The following KDM4C variants were observed in gnomAD, a reference collection of about 807,000 sequenced individuals.
KDM4C encodes lysine demethylase 4C.
KDM4C carries 81 observed loss-of-function variants against 129.3 expected under a neutral mutation model. The ratio of observed to expected loss-of-function variants is 0.63; its 90% confidence interval spans 0.52 to 0.75. The LOEUF is 0.75. KDM4C is among the 30% of genes least tolerant of loss of function. KDM4C has a pLI of 0.00. For missense variants in KDM4C, 1,457 were observed against 1,304.0 expected (o/e 1.12, Z -1.81); for synonymous variants, 573 against 456.1 (o/e 1.26, Z -3.26).
At chr9:7,100,523 A>G (rs1267251616) in intron 17 of KDM4C, among the ~76,000 whole-genome samples, 1 of 152,022 alleles carries the variant, frequency 6.6e-6, no homozygotes, top group Non-Finnish European at 1.5e-5. Flanking sequence ...TATTTTTAGT[A>G]GAGATGGGGT....
chr9:7,118,686 G>A (rs1253465213), intron 18 of KDM4C, among the ~76,000 whole-genome samples: 5 of 152,152 alleles, frequency 3.3e-5, no homozygotes, highest in East Asian at 3.8e-4. Context: ...CCTGTACGTC[G>A]GCTAAGTTAC....
At chr9:6,733,654 C>T (rs1414852644) in intron 1 of KDM4C, among the ~76,000 whole-genome samples, 4 of 151,998 alleles carry the variant, frequency 2.6e-5, no homozygotes, top group East Asian at 1.9e-4. Flanking sequence ...TGTTGGATCT[C>T]GCGCAAGAAA....
rs1007646357 is a variant in KDM4C, at chr9:7,131,233, C to T, written c.2781+2997C>T. 6.6e-5 allele frequency among the ~76,000 whole-genome samples: 10 copies of T among 152,126 alleles called. No individual in the cohort carries two copies. The East Asian group carries it at 9.6e-4, about 15-fold the overall frequency. On this transcript the variant is annotated intron_variant, in intron 19 of 21. Transcript: ENST00000381309. ...AGGCTCCTAGTAGGAATAATTCAATCGTGTTGTGTTTCAAGTTCCATATAC... is the reference window on the plus strand; with the variant it reads ...AGGCTCCTAGTAGGAATAATTCAATTGTGTTGTGTTTCAAGTTCCATATAC...
intron 8 of KDM4C, among the ~76,000 whole-genome samples, chr9:6,904,848 TCA>T: frequency 6.6e-6 from 1 of 152,022 alleles, no homozygotes; most frequent in Admixed American, 6.6e-5. Flanking sequence ...ACGGCGTTAG[TCA>T]ACAGTTTTGT....
chr9:6,901,528 A>G (rs1490546294), intron 8 of KDM4C, among the ~76,000 whole-genome samples: 2 of 152,216 alleles, frequency 1.3e-5, no homozygotes, highest in Admixed American at 6.5e-5. Flanking sequence ...TGCCAAGGGC[A>G]GGAAGCGAGA....
At chr9:7,049,844 C>A (rs1829899622) in intron 17 of KDM4C, among the ~76,000 whole-genome samples, 1 of 152,046 alleles carries the variant, frequency 6.6e-6, no homozygotes, top group Non-Finnish European at 1.5e-5. Flanking sequence ...CCAGCAGATC[C>A]TTAGTTTAGG....
intron 2 of KDM4C, among the ~76,000 whole-genome samples, chr9:6,801,284 C>T (rs368552425): frequency 3.0e-4 from 33 of 108,666 alleles, no homozygotes; most frequent in Non-Finnish European, 4.6e-4. Context: ...GATGGAGTCT[C>T]GCTCTGTCCC....
chr9:7,011,591 C>T (rs553954490), intron 12 of KDM4C, 107 bp from the exon 13 acceptor site: 35 of 1,025,178 alleles, frequency 3.4e-5, no homozygotes, highest in African/African-American at 7.9e-5. Flanking sequence ...GTTTGGTTTC[C>T]GGCCTTAATA....
At chr9:6,858,340 ACACCACCAC>A (rs34599130) in intron 5 of KDM4C, among the ~76,000 whole-genome samples, 2 of 151,730 alleles carry the variant, frequency 1.3e-5, no homozygotes, top group Non-Finnish European at 2.9e-5. Context: ...TCTTTTAGTT[ACACCACCAC>A]CACCACCACG....
At chr9:6,868,747 C>T (rs867897942) in intron 5 of KDM4C, among the ~76,000 whole-genome samples, 45 of 151,970 alleles carry the variant, frequency 3.0e-4, no homozygotes, top group African/African-American at 8.2e-4. Context: ...GTGGGACTCT[C>T]GGTGTGGAGG....
chr9:6,816,689 A>G (rs867182698), intron 4 of KDM4C, among the ~76,000 whole-genome samples: 4 of 151,998 alleles, frequency 2.6e-5, no homozygotes, highest in African/African-American at 9.7e-5. Flanking sequence ...AACACTCGAT[A>G]TTGTCATTTC....
At chr9:6,735,651 A>T (rs1817504418) in intron 1 of KDM4C, among the ~76,000 whole-genome samples, 1 of 152,222 alleles carries the variant, frequency 6.6e-6, no homozygotes, top group Non-Finnish European at 1.5e-5. Flanking sequence ...GCCTTCTGCC[A>T]AGACTGTGAG....
chr9:6,834,709 C>T (rs1370393881), intron 4 of KDM4C: 6 of 883,604 alleles, frequency 6.8e-6, no homozygotes, highest in Non-Finnish European at 1.2e-5. Context: ...TGGAGAAGAT[C>T]TGGCACCACA....
intron 1 of KDM4C, among the ~76,000 whole-genome samples, chr9:6,775,998 T>C (rs1440545200): frequency 6.6e-6 from 1 of 152,244 alleles, no homozygotes; most frequent in Non-Finnish European, 1.5e-5. Flanking sequence ...TCACCCCTGG[T>C]TGAGAACCAT....
At chr9:6,988,692 CCATCCATCCATCCATT>C (rs911021034) in intron 11 of KDM4C, among the ~76,000 whole-genome samples, 4 of 152,024 alleles carry the variant, frequency 2.6e-5, no homozygotes, top group Non-Finnish European at 5.9e-5. Flanking sequence ...ATCCATCCAT[CCATCCATCCATCCATT>C]CATCTTGGGC....
chr9:6,979,822 T>A (rs1816451594), intron 8 of KDM4C, among the ~76,000 whole-genome samples: 1 of 152,010 alleles, frequency 6.6e-6, no homozygotes, highest in Admixed American at 6.6e-5. Context: ...TTTTTAGGGG[T>A]GAAGACATAG....
rs200539184 is a variant in KDM4C, at chr9:7,079,696, C to T, written c.2425-23989C>T. 2.6e-5 allele frequency among the ~76,000 whole-genome samples: 4 copies of T among 152,228 alleles called. No homozygotes were observed. In the East Asian group the frequency reaches 7.7e-4, roughly 29 times the overall value. ...AAATGGCACTTACACTCTGCATAGT[C>T]GAATTCTGTGATTCTATGTGTTTTG... On this transcript the variant is annotated intron_variant, in intron 17 of 21. Coordinates refer to ENST00000381309, the MANE Select transcript of KDM4C (RefSeq NM_015061.6).
At chr9:6,811,661 A>G (rs563760803) in intron 3 of KDM4C, among the ~76,000 whole-genome samples, 9 of 152,298 alleles carry the variant, frequency 5.9e-5, no homozygotes, top group East Asian at 1.9e-4. Flanking sequence ...AGTGCTTTCC[A>G]TAATTATCTG....
At chr9:6,978,294 A>G (rs2821448) in intron 8 of KDM4C, among the ~76,000 whole-genome samples, 112,946 of 152,130 alleles carry the variant, frequency 0.74, 42,284 homozygotes, top group Middle Eastern at 0.81. Context: ...GATATGATGT[A>G]ATCTTTTTCA....
Sources: gnomAD v4.1 joint callset for allele counts (sites outside exome capture counted in the v4.1 genomes callset) on GRCh38, gnomAD v4.1.1 for gene constraint, MANE v1.5 for transcripts, NCBI Gene and HGNC (gene_info 2026-07-23, HGNC 2026-07-21) for gene names.